Variants in KCNIP4 observed in about 807,000 individuals in gnomAD.
KCNIP4 encodes potassium voltage-gated channel interacting protein 4.
KCNIP4 carries 12 observed loss-of-function variants against 34.0 expected under a neutral mutation model. The ratio of observed to expected loss-of-function variants is 0.35; its 90% CI spans 0.23 to 0.57. The LOEUF (loss-of-function observed/expected upper bound fraction) is 0.57, where lower values mean the gene tolerates loss of function less well. KCNIP4 is among the 20% of genes least tolerant of loss of function. KCNIP4 has a pLI of 0.83. For missense variants in KCNIP4, 238 were observed against 311.7 expected, an observed-to-expected ratio of 0.76 and a Z score of 1.78; for synonymous variants, 124 against 102.2, an observed-to-expected ratio of 1.21 and a Z score of -1.29.
At chr4:21,685,989 C>A (rs567802638) in intron 1 of KCNIP4, among the ~76,000 whole-genome samples, 1 of 152,282 alleles carries the variant, frequency 6.6e-6, no homozygotes, top group African/African-American at 2.4e-5. Flanking sequence ...GTTCTAAAAG[C>A]TTTTTATAGA....
chr4:21,911,606 A>T (rs1232569508), intron 1 of KCNIP4, among the ~76,000 whole-genome samples: 8 of 582 alleles, frequency 0.014, no homozygotes, highest in Admixed American at 0.028. Flanking sequence ...ATTGATATTC[A>T]CACACACACA....
At chr4:20,972,559 T>C (rs1472926793) in intron 1 of KCNIP4, among the ~76,000 whole-genome samples, 2 of 152,180 alleles carry the variant, frequency 1.3e-5, no homozygotes, top group Non-Finnish European at 2.9e-5. Context: ...GGTTTAAAAC[T>C]TTCAGCAAAC....
At chr4:20,829,077 G>A (rs920763203) in intron 3 of KCNIP4, among the ~76,000 whole-genome samples, 2 of 152,160 alleles carry the variant, frequency 1.3e-5, no homozygotes, top group Admixed American at 6.5e-5. Flanking sequence ...AACCGGCAGA[G>A]GTCCATCTTT....
chr4:20,949,958 T>A (rs1397720230), intron 1 of KCNIP4, among the ~76,000 whole-genome samples: 2 of 150,678 alleles, frequency 1.3e-5, no homozygotes. Context: ...TGTATACATA[T>A]GTAACTAACC....
chr4:21,352,213 C>T (rs1326156629), intron 1 of KCNIP4, among the ~76,000 whole-genome samples: 1 of 152,140 alleles, frequency 6.6e-6, no homozygotes, highest in Non-Finnish European at 1.5e-5. Flanking sequence ...GTGATCGATG[C>T]AGAAGATGGG....
At chr4:21,889,123 C>T (rs1188929621) in intron 1 of KCNIP4, among the ~76,000 whole-genome samples, 18 of 152,012 alleles carry the variant, frequency 1.2e-4, no homozygotes. Context: ...AATTTAGAGT[C>T]AGGAGTGACA....
At chr4:21,805,535 C>T (rs1475901702) in intron 1 of KCNIP4, among the ~76,000 whole-genome samples, 5 of 152,134 alleles carry the variant, frequency 3.3e-5, no homozygotes, top group Non-Finnish European at 7.3e-5. Flanking sequence ...GTCCATTAAA[C>T]ATTTTTCTTC....
chr4:21,234,479 CATATAACGTATAT>C, intron 1 of KCNIP4, among the ~76,000 whole-genome samples: 4 of 95,576 alleles, frequency 4.2e-5, no homozygotes, highest in Non-Finnish European at 7.7e-5. Context: ...ATATATAGTA[CATATAACGTATAT>C]AATATATATT....
chr4:20,858,763 C>G (rs1721891991), intron 2 of KCNIP4, among the ~76,000 whole-genome samples: 2 of 152,176 alleles, frequency 1.3e-5, no homozygotes, highest in South Asian at 2.1e-4. Flanking sequence ...AACTTTTGCT[C>G]TAAGCGTGGT....
chr4:21,310,953 T>C (rs1003888763), intron 1 of KCNIP4, among the ~76,000 whole-genome samples: 2 of 152,064 alleles, frequency 1.3e-5, no homozygotes, highest in East Asian at 1.9e-4. Context: ...AATAATAATG[T>C]GAAAAGACAA....
chr4:21,488,997 T>C (rs1732144394), intron 1 of KCNIP4, among the ~76,000 whole-genome samples: 1 of 152,040 alleles, frequency 6.6e-6, no homozygotes, highest in Non-Finnish European at 1.5e-5. Flanking sequence ...TTTAAGAGGA[T>C]TTAGCTAAAA....
At chr4:21,377,599 A>G (rs1721074971) in intron 1 of KCNIP4, among the ~76,000 whole-genome samples, 1 of 152,230 alleles carries the variant, frequency 6.6e-6, no homozygotes, top group Non-Finnish European at 1.5e-5. Flanking sequence ...CAAATGGTAT[A>G]GGCACCACAT....
At chr4:21,355,914 G>A (rs1434270641) in intron 1 of KCNIP4, among the ~76,000 whole-genome samples, 2 of 152,090 alleles carry the variant, frequency 1.3e-5, no homozygotes, top group African/African-American at 4.8e-5. Flanking sequence ...TAAAATACTG[G>A]CAAACCGAAT....
At chr4:20,830,508 G>A (rs1033800696) in intron 3 of KCNIP4, among the ~76,000 whole-genome samples, 2 of 152,076 alleles carry the variant, frequency 1.3e-5, no homozygotes, top group Non-Finnish European at 2.9e-5. Flanking sequence ...GGGAATCCTA[G>A]GCTGTGATTT....
At chr4:21,747,107 T>C (rs1273555516) in intron 1 of KCNIP4, among the ~76,000 whole-genome samples, 19 of 152,146 alleles carry the variant, frequency 1.2e-4, no homozygotes. Flanking sequence ...ATGCTTTGCT[T>C]TCACTCTGCC....
chr4:21,081,039 G>A (rs1745961491), intron 1 of KCNIP4, among the ~76,000 whole-genome samples: 1 of 151,686 alleles, frequency 6.6e-6, no homozygotes, highest in Non-Finnish European at 1.5e-5. Flanking sequence ...TAGATCAAGT[G>A]TGCTTTTATA....
chr4:20,805,943 T>G (rs1037110246), intron 3 of KCNIP4, among the ~76,000 whole-genome samples: 1 of 152,072 alleles, frequency 6.6e-6, no homozygotes, highest in African/African-American at 2.4e-5. Context: ...TATGAGTCAG[T>G]TTTTCCTAAG....
intron 1 of KCNIP4, among the ~76,000 whole-genome samples, chr4:21,498,614 A>G (rs1026059824): frequency 1.3e-5 from 2 of 152,234 alleles, no homozygotes; most frequent in East Asian, 1.9e-4. Context: ...CTGGGGGAAA[A>G]TGAGTAAACA....
intron 1 of KCNIP4, chr4:21,697,712 C>T (rs1427098811): frequency 1.7e-6 from 2 of 1,210,286 alleles, no homozygotes; most frequent in Admixed American, 4.6e-5. Flanking sequence ...AGACAGGCTG[C>T]CGGTTCACAC....
Sources: allele counts gnomAD v4.1 joint callset (sites outside exome capture counted in the v4.1 genomes callset), GRCh38; gene constraint gnomAD v4.1.1; transcripts MANE v1.5; gene names NCBI Gene and HGNC (gene_info 2026-07-23, HGNC 2026-07-21).